The following ARHGEF4 variants were observed in gnomAD, a reference collection of about 807,000 sequenced individuals.
ARHGEF4 encodes APC-stimulated guanine nucleotide exchange factor 1.
Under a neutral mutation model 162.0 loss-of-function variants are expected in ARHGEF4, and 119 were observed. That is an observed-to-expected ratio of 0.73 (90% CI 0.63 to 0.86). The LOEUF (loss-of-function observed/expected upper bound fraction) is 0.86. Ranked by LOEUF, ARHGEF4 falls within the 40% of genes least tolerant of loss-of-function variation. The pLI, the probability that ARHGEF4 is intolerant of heterozygous loss-of-function variation, is 0.00. For missense variants in ARHGEF4, 2,488 were observed against 2,456.0 expected (o/e 1.01, Z -0.28); for synonymous variants, 1,014 against 979.9 (o/e 1.03, Z -0.65).
chr2:130,915,380 C>CT lies in ARHGEF4; in HGVS notation c.1434_1435insT (p.Ala479CysfsTer6), dbSNP rs1208364492. 6 of 1,550,522 alleles carry CT rather than the reference C, an allele frequency of 3.9e-6. No individual in the cohort carries two copies. Among genetic ancestry groups the CT allele is most frequent in the Non-Finnish European group, 5.2e-6 (6 of 1,147,024 alleles). On this transcript the variant is annotated frameshift_variant, in exon 2 of 14. Transcript: ENST00000409359. LOFTEE classifies it high-confidence loss of function. ...CCCAGGAACCCCAAGGCACCCAACT[C>CT]GCACCAAGAGCTGCTGATGAGAGAG...
intron 4 of ARHGEF4, among the ~76,000 whole-genome samples, chr2:130,980,018 C>T (rs892951329): frequency 1.3e-5 from 2 of 152,214 alleles, no homozygotes; most frequent in Non-Finnish European, 2.9e-5. Flanking sequence ...CTTCAAACCA[C>T]TGTATTAAAG....
At chr2:131,023,425 C>CT (rs1689274752) in intron 4 of ARHGEF4, among the ~76,000 whole-genome samples, 1 of 151,754 alleles carries the variant, frequency 6.6e-6, no homozygotes, top group Admixed American at 6.6e-5. Context: ...AAAGCAAGAC[C>CT]TCATCTTAAA....
chr2:131,026,889 A>G (rs1197633408), intron 4 of ARHGEF4, among the ~76,000 whole-genome samples: 2 of 152,136 alleles, frequency 1.3e-5, no homozygotes, highest in Admixed American at 6.5e-5. Flanking sequence ...AGGGGTGGTG[A>G]TTTTCCCCAA....
chr2:131,031,103 A>G (rs1020732780), intron 5 of ARHGEF4, among the ~76,000 whole-genome samples: 1 of 152,230 alleles, frequency 6.6e-6, no homozygotes, highest in Non-Finnish European at 1.5e-5. Flanking sequence ...TGTAGGGGCT[A>G]AATTGTGGCC....
chr2:130,995,026 A>T (rs1257479442), intron 4 of ARHGEF4, among the ~76,000 whole-genome samples: 2 of 152,250 alleles, frequency 1.3e-5, no homozygotes, highest in East Asian at 3.9e-4. Flanking sequence ...TTGAAATTTT[A>T]CTCAGCTTAC....
intron 6 of ARHGEF4, 25 bp from the exon 7 acceptor site, chr2:131,039,991 C>G: frequency 6.5e-7 from 1 of 1,548,264 alleles, no homozygotes. Flanking sequence ...ATGCGGGGCA[C>G]TGACCGGCCA....
At chr2:130,881,154 G>A (rs966978371) in intron 1 of ARHGEF4, among the ~76,000 whole-genome samples, 1 of 151,906 alleles carries the variant, frequency 6.6e-6, no homozygotes, top group East Asian at 1.9e-4. Context: ...TGTCTCTGCC[G>A]CCCAGTAGCT....
At chr2:130,903,980 A>T (rs532743921) in intron 1 of ARHGEF4, among the ~76,000 whole-genome samples, 1 of 152,336 alleles carries the variant, frequency 6.6e-6, no homozygotes, top group African/African-American at 2.4e-5. Flanking sequence ...AGCACTACAT[A>T]GAAGTGCAGG....
chr2:130,969,909 T>C (rs893642422), intron 4 of ARHGEF4, among the ~76,000 whole-genome samples: 13 of 152,180 alleles, frequency 8.5e-5, no homozygotes, highest in African/African-American at 3.1e-4. Flanking sequence ...TTTGACTGGC[T>C]TCTTTAACCT....
chr2:130,864,723 C>A (rs1682145303), intron 1 of ARHGEF4, among the ~76,000 whole-genome samples: 1 of 151,658 alleles, frequency 6.6e-6, no homozygotes, highest in South Asian at 2.1e-4. Context: ...GACTCTGTCT[C>A]AAAACAAAAA....
At chr2:130,907,607 T>A (rs1680906598) in intron 1 of ARHGEF4, among the ~76,000 whole-genome samples, 1 of 152,122 alleles carries the variant, frequency 6.6e-6, no homozygotes, top group Non-Finnish European at 1.5e-5. Flanking sequence ...GAAGGACATC[T>A]GGGTTGTTTT....
intron 1 of ARHGEF4, among the ~76,000 whole-genome samples, chr2:130,903,198 A>C (rs759369589): frequency 6.6e-6 from 1 of 150,708 alleles, no homozygotes; most frequent in Non-Finnish European, 1.5e-5. Context: ...AGATAATGCT[A>C]ACATCTCTGC....
intron 1 of ARHGEF4, among the ~76,000 whole-genome samples, chr2:130,885,564 CTTTTTTTTTTTTT>C (rs961513941): frequency 1.0e-5 from 1 of 100,436 alleles, no homozygotes; most frequent in Admixed American, 1.1e-4. Flanking sequence ...TTTTCTTATT[CTTTTTTTTTTTTT>C]TTTTTTTTTT....
chr2:130,998,363 T>TTGTG (rs1687540020), intron 4 of ARHGEF4, among the ~76,000 whole-genome samples: 1 of 152,164 alleles, frequency 6.6e-6, no homozygotes, highest in Non-Finnish European at 1.5e-5. Flanking sequence ...AGGGTTCACT[T>TTGTG]TGTGTGTTTA....
intron 1 of ARHGEF4, among the ~76,000 whole-genome samples, chr2:130,876,097 G>C (rs57703024): frequency 0.091 from 13,789 of 152,210 alleles, 1,122 homozygotes; most frequent in African/African-American, 0.22. Flanking sequence ...AGTTGGTTCA[G>C]CCGCTCATAG....
At chr2:130,992,052 G>C (rs905373278) in intron 4 of ARHGEF4, among the ~76,000 whole-genome samples, 2 of 152,124 alleles carry the variant, frequency 1.3e-5, no homozygotes, top group Non-Finnish European at 2.9e-5. Context: ...TGCACCAATC[G>C]ACACTCTGTA....
At chr2:130,924,616 A>G (rs2105083497) in intron 2 of ARHGEF4, among the ~76,000 whole-genome samples, 1 of 152,180 alleles carries the variant, frequency 6.6e-6, no homozygotes, top group South Asian at 2.1e-4. Flanking sequence ...TTCCTCTGGG[A>G]TTTCAGGTTT....
chr2:130,853,129 C>T (rs769309696), intron 1 of ARHGEF4, among the ~76,000 whole-genome samples: 1 of 152,178 alleles, frequency 6.6e-6, no homozygotes, highest in Non-Finnish European at 1.5e-5. Context: ...TCATATGGCA[C>T]CATGAGGGAC....
At chr2:130,950,690 C>A (rs571939962) in intron 4 of ARHGEF4, among the ~76,000 whole-genome samples, 17 of 149,232 alleles carry the variant, frequency 1.1e-4, no homozygotes, top group East Asian at 2.1e-4. Flanking sequence ...GCTATTACCC[C>A]CCACCACCAC....
Sources: gnomAD v4.1 joint callset for allele counts (sites outside exome capture counted in the v4.1 genomes callset) on GRCh38, gnomAD v4.1.1 for gene constraint, MANE v1.5 for transcripts, NCBI Gene and HGNC (gene_info 2026-07-23, HGNC 2026-07-21) for gene names.